ADGRG6: variants seen among roughly 807,000 people sequenced by gnomAD.
ADGRG6 encodes the protein G-protein coupled receptor 126.
Under a neutral mutation model 142.4 loss-of-function variants are expected in ADGRG6, and 84 were observed. That is an observed-to-expected ratio of 0.59 (90% confidence interval 0.49 to 0.71). ADGRG6 has a LOEUF of 0.71. ADGRG6 is among the 30% of genes least tolerant of loss of function. The probability of loss-of-function intolerance (pLI) is 0.00; values close to 1 mark genes in which losing one functional copy is unlikely to be tolerated. For synonymous variants in ADGRG6, 521 were observed against 520.5 expected (o/e 1.00, Z -0.01); for missense variants, 1,367 against 1,466.6 (o/e 0.93, Z 1.11).
intron 22 of ADGRG6, among the ~76,000 whole-genome samples, chr6:142,424,705 T>C (rs1052054923): frequency 2.6e-5 from 4 of 152,056 alleles, no homozygotes; most frequent in East Asian, 1.9e-4. Flanking sequence ...TAGGGAGGAT[T>C]CCCTCTTTTT....
Position 142,402,773 on chromosome 6 carries a change from A to T in ADGRG6, c.1898A>T (p.Asn633Ile), listed in dbSNP as rs773442205. ...ATAACACTTGGCTCAACTCTAATGAATATATTTTCTAATATCTTAAGCAGT... is the reference window on the plus strand; with the variant it reads ...ATAACACTTGGCTCAACTCTAATGATTATATTTTCTAATATCTTAAGCAGT... ...IDITLGSTLM[N>I]IFSNILSSSD... The change falls in exon 13 of 25, where the codon AAT (asparagine) becomes ATT (isoleucine). Residue 633 changes from asparagine (N) to isoleucine (I), a missense_variant. Coordinates refer to ENST00000367609, the MANE Select transcript of ADGRG6 (RefSeq NM_198569.3). 42 of 1,602,352 alleles carry T rather than the reference A, an allele frequency of 2.6e-5. No individual in the cohort carries two copies. The highest frequency in any genetic ancestry group is 3.4e-5 in the Non-Finnish European group (40 of 1,170,476).
intron 6 of ADGRG6, among the ~76,000 whole-genome samples, chr6:142,388,872 A>G (rs531167795): frequency 1.1e-4 from 17 of 152,192 alleles, no homozygotes; most frequent in Non-Finnish European, 2.1e-4. Flanking sequence ...GACCCTTGCA[A>G]TTCTGAATTT....
intron 4 of ADGRG6, among the ~76,000 whole-genome samples, chr6:142,381,500 A>G (rs1781768667): frequency 6.6e-6 from 1 of 152,262 alleles, no homozygotes. Context: ...AATTGAAGTC[A>G]CAGAAACATA....
chr6:142,433,513 T>A (rs1307973341), intron 22 of ADGRG6, among the ~76,000 whole-genome samples: 2 of 152,148 alleles, frequency 1.3e-5, no homozygotes, highest in Non-Finnish European at 2.9e-5. Flanking sequence ...CCGAATGATA[T>A]CTATTCCGTA....
chr6:142,339,811 G>A (rs939019135), intron 2 of ADGRG6, among the ~76,000 whole-genome samples: 1 of 151,970 alleles, frequency 6.6e-6, no homozygotes, highest in African/African-American at 2.4e-5. Context: ...AATTGGTTTT[G>A]GATTGCCTTA....
intron 10 of ADGRG6, among the ~76,000 whole-genome samples, chr6:142,399,155 C>T (rs77221991): frequency 0.012 from 1,816 of 152,244 alleles, 38 homozygotes; most frequent in African/African-American, 0.041. Context: ...TTTGACCCTT[C>T]GCCTTCTCTA....
intron 2 of ADGRG6, among the ~76,000 whole-genome samples, chr6:142,324,900 T>A (rs1778691343): frequency 6.6e-6 from 1 of 152,074 alleles, no homozygotes; most frequent in Non-Finnish European, 1.5e-5. Flanking sequence ...GGGAATGAAG[T>A]AAAGCCCATT....
chr6:142,413,504 A>G (rs1161045693), intron 18 of ADGRG6, among the ~76,000 whole-genome samples: 1 of 152,224 alleles, frequency 6.6e-6, no homozygotes. Flanking sequence ...AAATCTGTAA[A>G]CAAATCTGTA....
In ADGRG6 at chr6:142,302,268, A is replaced by G; in HGVS notation, c.-62A>G. 1 of 1,599,340 alleles carries G rather than the reference A, an allele frequency of 6.3e-7. No individual in the cohort carries two copies. Among genetic ancestry groups the G allele is most frequent in the Non-Finnish European group, 8.5e-7 (1 of 1,171,676 alleles). On this transcript the variant is annotated 5_prime_UTR_variant, in exon 1 of 25. Coordinates refer to ENST00000367609, the MANE Select transcript of ADGRG6 (RefSeq NM_198569.3). Reference sequence around the variant, plus strand: ...CCCCTGGGTGGAGCAGCGGCAGCAGAGCGGGAAAGTGGTGGAGGATGATCT... The same window carrying G: ...CCCCTGGGTGGAGCAGCGGCAGCAGGGCGGGAAAGTGGTGGAGGATGATCT...
chr6:142,335,210 T>C (rs1365164864), intron 2 of ADGRG6, among the ~76,000 whole-genome samples: 1 of 152,184 alleles, frequency 6.6e-6, no homozygotes, highest in African/African-American at 2.4e-5. Flanking sequence ...ATTTCAGGTT[T>C]AGATGTTTGG....
intron 2 of ADGRG6, among the ~76,000 whole-genome samples, chr6:142,318,550 G>A (rs974384038): frequency 1.6e-4 from 24 of 148,884 alleles, no homozygotes; most frequent in Admixed American, 1.6e-3. Flanking sequence ...ATAATAGGAT[G>A]CAGTGTGATG....
chr6:142,361,510 G>A (rs1013938335), intron 2 of ADGRG6, among the ~76,000 whole-genome samples: 1 of 152,068 alleles, frequency 6.6e-6, no homozygotes, highest in Non-Finnish European at 1.5e-5. Context: ...AGAATTTGTG[G>A]GTAAGAGACT....
chr6:142,403,934 T>C lies in ADGRG6; in HGVS notation c.2088T>C (p.Phe696=), dbSNP rs769466018. 2 of 1,611,062 alleles carry C rather than the reference T, an allele frequency of 1.2e-6. No individual in the cohort carries two copies. Among genetic ancestry groups the C allele is most frequent in the South Asian group, 1.1e-5 (1 of 90,594 alleles). The change falls in exon 14 of 25, where the codon TTT becomes TTC. Residue 696 remains phenylalanine, a synonymous_variant. Coordinates refer to ENST00000367609, the MANE Select transcript of ADGRG6 (RefSeq NM_198569.3). ...CAGGGACAAATGCAATTTCAAATTTTAGCATTGGTCTTCCAAGCAATAATG... is the reference window on the plus strand; with the variant it reads ...CAGGGACAAATGCAATTTCAAATTTCAGCATTGGTCTTCCAAGCAATAATG... ...LLPGTNAISN[F]SIGLPSNNES... is the part of the protein sequence containing the mutation.
chr6:142,396,140 A>G (rs1370266911), intron 9 of ADGRG6, among the ~76,000 whole-genome samples: 1 of 152,216 alleles, frequency 6.6e-6, no homozygotes, highest in Admixed American at 6.5e-5. Context: ...TTATGTTCTC[A>G]GTATTCAAGA....
At chr6:142,397,537 A>C in intron 9 of ADGRG6, 76 bp from the exon 10 acceptor site, 1 of 1,387,100 alleles carries the variant, frequency 7.2e-7, no homozygotes, top group South Asian at 1.2e-5. Context: ...TCTACATCCA[A>C]ATACTCTGTT....
chr6:142,323,190 C>T (rs114599115), intron 2 of ADGRG6, among the ~76,000 whole-genome samples: 1 of 151,540 alleles, frequency 6.6e-6, no homozygotes, highest in Non-Finnish European at 1.5e-5. Flanking sequence ...TAATAGGACC[C>T]ATAATCATCA....
intron 2 of ADGRG6, 24 bp from the exon 3 acceptor site, chr6:142,367,545 G>A: frequency 6.3e-7 from 1 of 1,593,882 alleles, no homozygotes; most frequent in Non-Finnish European, 8.6e-7. Flanking sequence ...CCTTCTCTCT[G>A]TCTCTCTTTT....
chr6:142,324,605 C>T (rs1019635184), intron 2 of ADGRG6, among the ~76,000 whole-genome samples: 5 of 151,938 alleles, frequency 3.3e-5, no homozygotes, highest in African/African-American at 4.8e-5. Flanking sequence ...GTAGTTTTTT[C>T]GTCTTAATTA....
chr6:142,439,299 T>A (rs537116070), intron 24 of ADGRG6, among the ~76,000 whole-genome samples: 2 of 152,242 alleles, frequency 1.3e-5, no homozygotes, highest in Admixed American at 1.3e-4. Context: ...AGCACTTTCC[T>A]AATTAAAGAT....
Sources: allele counts gnomAD v4.1 joint callset (sites outside exome capture counted in the v4.1 genomes callset), GRCh38; gene constraint gnomAD v4.1.1; transcripts MANE v1.5; gene names NCBI Gene and HGNC (gene_info 2026-07-23, HGNC 2026-07-21).